The following CEP112 variants were observed in gnomAD, a reference collection of about 807,000 sequenced individuals.
CEP112 encodes the protein centrosomal protein 112.
CEP112 carries 127 observed loss-of-function variants against 153.0 expected under a neutral mutation model. The observed-to-expected ratio is 0.83, with a 90% CI of 0.72 to 0.96. CEP112 has a LOEUF of 0.96. Among genes scored for constraint, CEP112 ranks in the 40% least tolerant of loss-of-function variants. The pLI is 0.00. For synonymous variants in CEP112, 358 were observed against 374.4 expected (o/e 0.96, Z 0.51); for missense variants, 1,089 against 1,101.2 (o/e 0.99, Z 0.16).
chr17:65,909,593 A>G (rs1304597229), intron 19 of CEP112, among the ~76,000 whole-genome samples: 2 of 152,224 alleles, frequency 1.3e-5, no homozygotes, highest in Non-Finnish European at 2.9e-5. Flanking sequence ...AGAGAAACCA[A>G]TGCCTCATAC....
At chr17:65,800,919 G>C (rs1275726678) in intron 21 of CEP112, among the ~76,000 whole-genome samples, 1 of 152,126 alleles carries the variant, frequency 6.6e-6, no homozygotes, top group African/African-American at 2.4e-5. Context: ...ACATTCTTTG[G>C]AGAAATGTCT....
intron 23 of CEP112, among the ~76,000 whole-genome samples, chr17:65,723,385 A>T (rs1261701563): frequency 6.6e-6 from 1 of 152,240 alleles, no homozygotes; most frequent in Non-Finnish European, 1.5e-5. Flanking sequence ...AATATGGAAT[A>T]ATTAGTTTTT....
At chr17:65,906,290 G>T (rs1447196657) in intron 19 of CEP112, among the ~76,000 whole-genome samples, 1 of 151,970 alleles carries the variant, frequency 6.6e-6, no homozygotes, top group African/African-American at 2.4e-5. Flanking sequence ...CTAGGGGAGG[G>T]ATAGCATTAG....
chr17:65,839,743 C>A (rs2057449432), intron 21 of CEP112, among the ~76,000 whole-genome samples: 1 of 152,010 alleles, frequency 6.6e-6, no homozygotes, highest in African/African-American at 2.4e-5. Flanking sequence ...TCCTTATTCA[C>A]AGACAACATG....
rs142890922 is a variant in CEP112, at chr17:65,638,254, T to C, written c.2800-1066A>G. On this transcript the variant is annotated intron_variant, in intron 25 of 26. Transcript: ENST00000535342. The stretch of plus-strand genomic sequence containing the variant: ...TATTGTGTAGCATACATTTCTGTAC[T>C]GTTAAAGATGCCTGTATCAGGCGTG... Among the ~76,000 whole-genome samples, 467 of 152,344 alleles carry C rather than the reference T, an allele frequency of 3.1e-3. 1 individual carries two copies. Among genetic ancestry groups the C allele is most frequent in the African/African-American group, 0.011 (448 of 41,568 alleles).
chr17:65,721,070 G>A (rs1236237146), intron 23 of CEP112, among the ~76,000 whole-genome samples: 1 of 148,438 alleles, frequency 6.7e-6, no homozygotes, highest in African/African-American at 2.5e-5. Context: ...GGAGTGCAGT[G>A]GCATGATCTC....
intron 18 of CEP112, among the ~76,000 whole-genome samples, chr17:65,943,585 G>A (rs2061564985): frequency 6.6e-6 from 1 of 152,192 alleles, no homozygotes; most frequent in South Asian, 2.1e-4. Flanking sequence ...TCTACTGTTA[G>A]TCTGATGAGT....
intron 21 of CEP112, among the ~76,000 whole-genome samples, chr17:65,766,447 C>A (rs573919239): frequency 6.7e-6 from 1 of 150,254 alleles, no homozygotes; most frequent in African/African-American, 2.4e-5. Flanking sequence ...ATCACCAAAT[C>A]ATGAAGGCAA....
intron 8 of CEP112, among the ~76,000 whole-genome samples, chr17:66,083,834 G>A (rs1218780420): frequency 6.6e-6 from 1 of 151,948 alleles, no homozygotes; most frequent in East Asian, 1.9e-4. Context: ...CTCCAGCCTG[G>A]GTGACTGAGC....
At chr17:65,831,171 A>C (rs2057061367) in intron 21 of CEP112, among the ~76,000 whole-genome samples, 1 of 152,244 alleles carries the variant, frequency 6.6e-6, no homozygotes, top group South Asian at 2.1e-4. Flanking sequence ...AACTCAGGGG[A>C]ATATGACACC....
At chr17:65,739,981 A>G (rs556155964) in intron 23 of CEP112, among the ~76,000 whole-genome samples, 1 of 152,302 alleles carries the variant, frequency 6.6e-6, no homozygotes, top group East Asian at 1.9e-4. Flanking sequence ...ATTATAGTTT[A>G]AATATAGATA....
intron 21 of CEP112, among the ~76,000 whole-genome samples, chr17:65,768,864 G>A (rs1407967126): frequency 6.6e-6 from 1 of 152,076 alleles, no homozygotes; most frequent in African/African-American, 2.4e-5. Flanking sequence ...TTTTCTCTAA[G>A]ATCTGGTATA....
intron 4 of CEP112, among the ~76,000 whole-genome samples, chr17:66,135,934 G>A (rs2070414490): frequency 6.6e-6 from 1 of 152,120 alleles, no homozygotes; most frequent in Non-Finnish European, 1.5e-5. Context: ...TTTAGGGGGT[G>A]ACGTCAGATG....
chr17:66,090,459 GTTA>G (rs1325867434), intron 8 of CEP112, among the ~76,000 whole-genome samples: 19 of 151,848 alleles, frequency 1.3e-4, no homozygotes, highest in African/African-American at 4.4e-4. Context: ...ATAAATCAAG[GTTA>G]TTATCAGTTT....
chr17:66,135,695 T>C (rs117079118), intron 4 of CEP112, among the ~76,000 whole-genome samples: 5,184 of 152,270 alleles, frequency 0.034, 132 homozygotes, highest in Middle Eastern at 0.061. Flanking sequence ...TAGGAGAATA[T>C]AAATTTTCCC....
intron 19 of CEP112, among the ~76,000 whole-genome samples, chr17:65,924,725 T>A (rs2060859142): frequency 6.6e-6 from 1 of 152,134 alleles, no homozygotes; most frequent in African/African-American, 2.4e-5. Flanking sequence ...AGCTAGACAT[T>A]CCTTATAGGC....
intron 8 of CEP112, among the ~76,000 whole-genome samples, chr17:66,084,609 T>C (rs185597836): frequency 6.6e-6 from 1 of 152,176 alleles, no homozygotes; most frequent in African/African-American, 2.4e-5. Flanking sequence ...AGCTAAAAAT[T>C]AAAAACAATT....
At chr17:66,164,055 T>C (rs2071827286) in intron 4 of CEP112, among the ~76,000 whole-genome samples, 1 of 152,228 alleles carries the variant, frequency 6.6e-6, no homozygotes, top group African/African-American at 2.4e-5. Flanking sequence ...CTTGGCCTCA[T>C]CTTAGTAAAT....
chr17:65,904,756 T>C (rs2060006917), intron 19 of CEP112, among the ~76,000 whole-genome samples: 1 of 152,020 alleles, frequency 6.6e-6, no homozygotes, highest in Non-Finnish European at 1.5e-5. Flanking sequence ...AAAACAGATA[T>C]ATAGGCCAAT....
Sources: allele counts gnomAD v4.1 joint callset (sites outside exome capture counted in the v4.1 genomes callset), GRCh38; gene constraint gnomAD v4.1.1; transcripts MANE v1.5; gene names NCBI Gene and HGNC (gene_info 2026-07-23, HGNC 2026-07-21).